The following MED12L variants were observed in gnomAD, a reference collection of about 807,000 sequenced individuals.
MED12L encodes the protein mediator of RNA polymerase II transcription subunit 12-like protein.
In MED12L, 60 loss-of-function variants were observed where a neutral mutation model predicts 281.3. The observed-to-expected ratio is 0.21, with a 90% confidence interval of 0.17 to 0.26. MED12L has a LOEUF of 0.26. MED12L is among the 10% of genes least tolerant of loss of function. The pLI is 1.00. For synonymous variants in MED12L, 974 were observed against 987.2 expected (o/e 0.99, Z 0.25); for missense variants, 2,146 against 2,680.9 (o/e 0.80, Z 4.41).
Position 151,162,551 on chromosome 3 carries a change from C to G in MED12L, c.1108-1342C>G, listed in dbSNP as rs556630675. ...CCTGCCTCAAGTAAGTGATCCTCCC[C>G]CCTCAGCCTCCTTAGTAGCTAGGAC... On this transcript the variant is annotated intron_variant, in intron 8 of 44. Coordinates refer to ENST00000687756, the MANE Select transcript of MED12L (RefSeq NM_001393769.1). 6.6e-5 allele frequency among the ~76,000 whole-genome samples: 10 copies of G among 151,460 alleles called. 1 individual carries two copies. The highest frequency in any genetic ancestry group is 1.3e-4 in the Non-Finnish European group (9 of 67,848).
rs2148953532 is a variant in MED12L, at chr3:151,159,989, C to T, written c.995C>T (p.Pro332Leu). ...IGPNNSSIGAPSPGPPGPGMS... is the reference protein window; with the variant it reads ...IGPNNSSIGALSPGPPGPGMS... ...CCAAACAACTCGAGTATCGGGGCCC[C>T]CAGCCCTGGCCCCCCCGGCCCTGGC... The change falls in exon 8 of 45, where the codon CCC becomes CTC. Residue 332 changes from proline to leucine, a missense_variant. Physicochemically the swap from Pro to Leu is moderately conservative, Grantham distance 98. Transcript: ENST00000687756. 1 of 1,614,242 alleles carries T rather than the reference C, an allele frequency of 6.2e-7. No individual in the cohort carries two copies. Among genetic ancestry groups the T allele is most frequent in the East Asian group, 2.2e-5 (1 of 44,890 alleles).
At chr3:151,166,846 T>G (rs753160421) in intron 11 of MED12L, among the ~76,000 whole-genome samples, 3 of 152,048 alleles carry the variant, frequency 2.0e-5, no homozygotes, top group Non-Finnish European at 4.4e-5. Flanking sequence ...CAGCTAATTT[T>G]TTGTATTTTT....
chr3:151,181,655 G>A (rs1576905382), intron 11 of MED12L, among the ~76,000 whole-genome samples: 1 of 147,090 alleles, frequency 6.8e-6, no homozygotes, highest in Non-Finnish European at 1.5e-5. Context: ...GCATCATCTT[G>A]GCTCACTGCA....
At chr3:151,323,859 G>A (rs989875880) in intron 16 of MED12L, among the ~76,000 whole-genome samples, 34 of 152,238 alleles carry the variant, frequency 2.2e-4, no homozygotes, top group Non-Finnish European at 4.6e-4. Flanking sequence ...GAGCTCTCAA[G>A]TGCTGGAGGG....
In MED12L at chr3:151,196,708, C is replaced by T. The variant is rs190433541; in HGVS notation, c.2250+3042C>T. Among the ~76,000 whole-genome samples the T allele has an allele frequency of 2.8e-4, 42 of 152,326 alleles. No individual in the cohort carries two copies. The East Asian group carries it at 6.7e-3, about 24-fold the overall frequency. On this transcript the variant is annotated intron_variant, in intron 16 of 44. Coordinates refer to ENST00000687756, the MANE Select transcript of MED12L (RefSeq NM_001393769.1). ...TGTGTGAGGCTGCTGGAGTTTCTGT[C>T]ATTACCATTAGCTAGCTAGAATTGT...
chr3:151,110,742 C>T (rs1355723805), intron 2 of MED12L, among the ~76,000 whole-genome samples: 2 of 151,972 alleles, frequency 1.3e-5, no homozygotes, highest in Admixed American at 1.3e-4. Flanking sequence ...TGGTTCCTTC[C>T]TGGATCTGTA....
chr3:151,175,556 G>T (rs1721943735), intron 11 of MED12L, among the ~76,000 whole-genome samples: 1 of 152,086 alleles, frequency 6.6e-6, no homozygotes, highest in Non-Finnish European at 1.5e-5. Flanking sequence ...ACTGGCAAAA[G>T]ATCTCACCAT....
At chr3:151,402,310 A>T (rs1467825921) in intron 39 of MED12L, among the ~76,000 whole-genome samples, 2 of 152,228 alleles carry the variant, frequency 1.3e-5, no homozygotes, top group Non-Finnish European at 2.9e-5. Flanking sequence ...TAGTTGAGAA[A>T]TAGCAATTTT....
At chr3:151,204,073 C>A (rs1193901996) in intron 16 of MED12L, among the ~76,000 whole-genome samples, 1 of 152,118 alleles carries the variant, frequency 6.6e-6, no homozygotes. Flanking sequence ...TGCTGGGGGA[C>A]CTAACAAACA....
chr3:151,097,976 G>C (rs1461120271), intron 2 of MED12L, among the ~76,000 whole-genome samples: 1 of 152,226 alleles, frequency 6.6e-6, no homozygotes, highest in Non-Finnish European at 1.5e-5. Flanking sequence ...AGTGGATGGG[G>C]TTGAGGATAG....
At chr3:151,105,018 A>G (rs542625761) in intron 2 of MED12L, among the ~76,000 whole-genome samples, 1 of 152,344 alleles carries the variant, frequency 6.6e-6, no homozygotes, top group Admixed American at 6.5e-5. Context: ...ATGCACAGGT[A>G]CAGGGGTTAG....
At chr3:151,426,820 CTTT>C (rs34363787) in intron 43 of MED12L, among the ~76,000 whole-genome samples, 34 of 142,498 alleles carry the variant, frequency 2.4e-4, no homozygotes, top group Non-Finnish European at 2.2e-4. Flanking sequence ...CATGGTTTTA[CTTT>C]TTTTTTTTTT....
intron 6 of MED12L, among the ~76,000 whole-genome samples, chr3:151,157,807 T>C (rs1439257698): frequency 6.6e-6 from 1 of 152,218 alleles, no homozygotes; most frequent in Non-Finnish European, 1.5e-5. Context: ...TAACAGTTGC[T>C]AGGAACAAAG....
intron 16 of MED12L, among the ~76,000 whole-genome samples, chr3:151,196,917 A>G (rs1432243341): frequency 6.6e-6 from 1 of 152,216 alleles, no homozygotes; most frequent in Non-Finnish European, 1.5e-5. Context: ...CAGGAACACC[A>G]TTTCTTAATC....
intron 4 of MED12L, among the ~76,000 whole-genome samples, chr3:151,126,062 T>TG (rs1714471490): frequency 6.6e-6 from 1 of 151,536 alleles, no homozygotes; most frequent in Non-Finnish European, 1.5e-5. Context: ...TTTTTTTTTT[T>TG]TTTTGAGACA....
chr3:151,275,360 C>T (rs1274235274), intron 16 of MED12L, among the ~76,000 whole-genome samples: 1 of 152,052 alleles, frequency 6.6e-6, no homozygotes. Flanking sequence ...CCGTCCCTGG[C>T]TGTTCTTTTA....
At chr3:151,343,623 ACAT>A (rs142129613) in intron 16 of MED12L, among the ~76,000 whole-genome samples, 19,777 of 152,226 alleles carry the variant, frequency 0.13, 1,455 homozygotes, top group Middle Eastern at 0.18. Context: ...TTAGTAAATA[ACAT>A]CAACACATAC....
At chr3:151,417,480 C>CCCG (rs1553817969) in intron 43 of MED12L, among the ~76,000 whole-genome samples, 6 of 104,404 alleles carry the variant, frequency 5.7e-5, no homozygotes, top group African/African-American at 2.1e-4. Context: ...CCCAGCTCCC[C>CCCG]CCCCGCCTTT....
intron 2 of MED12L, among the ~76,000 whole-genome samples, chr3:151,090,019 T>C (rs960634715): frequency 3.9e-5 from 6 of 152,190 alleles, no homozygotes; most frequent in Non-Finnish European, 8.8e-5. Flanking sequence ...GGGTGACTTC[T>C]CTTCCCCAGG....
Sources: gnomAD v4.1 joint callset for allele counts (sites outside exome capture counted in the v4.1 genomes callset) on GRCh38, gnomAD v4.1.1 for gene constraint, MANE v1.5 for transcripts, NCBI Gene and HGNC (gene_info 2026-07-23, HGNC 2026-07-21) for gene names.